VEPH1: variants seen among roughly 807,000 people sequenced by gnomAD.
The protein encoded by VEPH1 is ventricular zone-expressed PH domain-containing protein homolog 1.
In VEPH1, 80 loss-of-function variants were observed where a neutral mutation model predicts 85.2. That is an observed-to-expected ratio of 0.94 (90% CI 0.78 to 1.13). The LOEUF (loss-of-function observed/expected upper bound fraction) is 1.13, where lower values mean the gene tolerates loss of function less well. Among genes scored for constraint, VEPH1 ranks in the 50% most tolerant of loss-of-function variants. The pLI is 0.00. For synonymous variants in VEPH1, 297 were observed against 348.0 expected (o/e 0.85, Z 1.63); for missense variants, 955 against 980.5 (o/e 0.97, Z 0.35).
intron 2 of VEPH1, among the ~76,000 whole-genome samples, chr3:157,476,566 G>T (rs1390631889): frequency 6.6e-6 from 1 of 152,154 alleles, no homozygotes; most frequent in Non-Finnish European, 1.5e-5. Context: ...AATCAATGGA[G>T]CAGGCTTGCA....
intron 6 of VEPH1, among the ~76,000 whole-genome samples, chr3:157,388,307 T>C (rs1227802854): frequency 2.6e-5 from 4 of 152,204 alleles, no homozygotes; most frequent in African/African-American, 4.8e-5. Context: ...AGAGTCTCTT[T>C]CTTAATTGAA....
rs1051015183 is a variant in VEPH1 at position 157,470,466 on chromosome 3, C to T, written c.202G>A (p.Ala68Thr). 6.8e-6 allele frequency: 11 copies of T among 1,614,074 alleles called. No homozygotes were observed. The highest frequency in any genetic ancestry group is 9.3e-6 in the Non-Finnish European group (11 of 1,180,040). Residue 68 changes from alanine (A) to threonine (T), a missense_variant, in exon 3 of 14, where the codon GCC (alanine) becomes ACC (threonine). By Grantham distance (58) the Ala-to-Thr change is moderately conservative. Coordinates refer to ENST00000362010, the MANE Select transcript of VEPH1 (RefSeq NM_001167912.2). ...TCAATGGACTCGGTCTCTCTGATGG[C>T]TGTTGTGATTCTTGTGATACAGATT... ...VEICITRITT[A>T]IRETESIEKH...
chr3:157,404,545 G>T (rs1241698794), intron 6 of VEPH1, among the ~76,000 whole-genome samples: 1 of 152,130 alleles, frequency 6.6e-6, no homozygotes, highest in Non-Finnish European at 1.5e-5. Context: ...ACCAATAGGG[G>T]AACAGAAGAG....
At chr3:157,353,349 C>A (rs1236184628) in intron 9 of VEPH1, among the ~76,000 whole-genome samples, 7 of 152,058 alleles carry the variant, frequency 4.6e-5, no homozygotes, top group Admixed American at 4.6e-4. Flanking sequence ...CTTGGCTCAA[C>A]CTCCACCTCC....
chr3:157,323,856 G>A (rs141460845), intron 9 of VEPH1, among the ~76,000 whole-genome samples: 1 of 152,060 alleles, frequency 6.6e-6, no homozygotes, highest in African/African-American at 2.4e-5. Flanking sequence ...CATAAGAAAA[G>A]GTCTGTAAAG....
intron 6 of VEPH1, among the ~76,000 whole-genome samples, chr3:157,412,178 C>T (rs1346957700): frequency 1.3e-5 from 2 of 152,122 alleles, no homozygotes; most frequent in African/African-American, 4.8e-5. Flanking sequence ...CTGTTGCAGC[C>T]TTTGGAAGTG....
intron 5 of VEPH1, chr3:157,415,291 A>C (rs187063824): frequency 4.3e-4 from 66 of 152,328 alleles, no homozygotes; most frequent in African/African-American, 1.5e-3. Flanking sequence ...TGGGGATAGC[A>C]ATAAGTCTGA....
chr3:157,447,966 C>CGATGAT (rs549807691), intron 4 of VEPH1, among the ~76,000 whole-genome samples: 9 of 151,342 alleles, frequency 5.9e-5, no homozygotes, highest in East Asian at 1.9e-4. Context: ...ACAACCAGAA[C>CGATGAT]GATGATGATG....
intron 9 of VEPH1, among the ~76,000 whole-genome samples, chr3:157,322,568 C>T (rs1382131846): frequency 2.6e-5 from 4 of 152,062 alleles, no homozygotes; most frequent in Non-Finnish European, 5.9e-5. Context: ...CTCTGAAATT[C>T]TACAATTTAC....
At chr3:157,354,944 CA>C (rs1725264205) in intron 9 of VEPH1, among the ~76,000 whole-genome samples, 1 of 152,154 alleles carries the variant, frequency 6.6e-6, no homozygotes, top group African/African-American at 2.4e-5. Context: ...GGATAGAGCC[CA>C]GATCCCTGCC....
intron 3 of VEPH1, among the ~76,000 whole-genome samples, chr3:157,469,969 C>A (rs1313142538): frequency 1.3e-5 from 2 of 152,174 alleles, no homozygotes; most frequent in East Asian, 3.9e-4. Flanking sequence ...ACTGTGTTCT[C>A]CTTGGATGAA....
chr3:157,490,952 G>T (rs991869890), intron 2 of VEPH1, among the ~76,000 whole-genome samples: 1 of 152,100 alleles, frequency 6.6e-6, no homozygotes, highest in Non-Finnish European at 1.5e-5. Context: ...AAATAAATGA[G>T]TTGAAACTAC....
At chr3:157,369,183 A>AAAAAAAAAAACAAAAAAC (rs1426401669) in intron 7 of VEPH1, among the ~76,000 whole-genome samples, 52 of 134,590 alleles carry the variant, frequency 3.9e-4, no homozygotes, top group African/African-American at 1.5e-3. Context: ...ACCAAATGAA[A>AAAAAAAAAAACAAAAAAC]AAAAAAAAAA....
At chr3:157,458,798 G>C (rs908507148) in intron 4 of VEPH1, among the ~76,000 whole-genome samples, 4 of 152,148 alleles carry the variant, frequency 2.6e-5, no homozygotes, top group African/African-American at 9.7e-5. Flanking sequence ...GTTAATTTTT[G>C]TATATGGTGA....
intron 11 of VEPH1, among the ~76,000 whole-genome samples, chr3:157,301,218 C>T (rs1208149618): frequency 1.3e-5 from 2 of 152,100 alleles, no homozygotes; most frequent in African/African-American, 2.4e-5. Flanking sequence ...CTAACCTTGG[C>T]CAGTTGCTTG....
At chr3:157,486,739 T>C (rs1738692276) in intron 2 of VEPH1, among the ~76,000 whole-genome samples, 1 of 152,186 alleles carries the variant, frequency 6.6e-6, no homozygotes, top group South Asian at 2.1e-4. Context: ...AAGTGCTACA[T>C]AAGTATTAGC....
rs1735731647 is a variant in VEPH1 at position 157,460,226 on chromosome 3, G to C, written c.484C>G (p.Leu162Val). The change falls in exon 4 of 14, where the codon CTC becomes GTC. Residue 162 changes from leucine to valine, a missense_variant. Physicochemically the swap from Leu to Val is conservative, Grantham distance 32. Transcript: ENST00000362010. Reference sequence around the variant, plus strand: ...ATAACTTCCGTGTGATCAGCCAGGAGATCTGCCTTGGTAATTGCAGCCAGA... The same window carrying C: ...ATAACTTCCGTGTGATCAGCCAGGACATCTGCCTTGGTAATTGCAGCCAGA... ...LSLAAITKAD[L>V]LADHTEVIVK... is the part of the protein sequence containing the mutation. The C allele has an allele frequency of 6.2e-7, 1 of 1,614,050 alleles. No homozygotes were observed. The highest frequency in any genetic ancestry group is 1.3e-5 in the African/African-American group (1 of 74,922).
At chr3:157,292,185 C>T (rs559493831) in intron 11 of VEPH1, among the ~76,000 whole-genome samples, 108 of 152,282 alleles carry the variant, frequency 7.1e-4, no homozygotes, top group African/African-American at 2.5e-3. Flanking sequence ...TCCACCTCAG[C>T]CTCCCAGAGT....
At chr3:157,380,192 G>A (rs989392574) in intron 7 of VEPH1, among the ~76,000 whole-genome samples, 1 of 152,094 alleles carries the variant, frequency 6.6e-6, no homozygotes, top group African/African-American at 2.4e-5. Flanking sequence ...CACCTCAATC[G>A]TCAATAATTT....
Sources: gnomAD v4.1 joint callset for allele counts (sites outside exome capture counted in the v4.1 genomes callset) on GRCh38, gnomAD v4.1.1 for gene constraint, MANE v1.5 for transcripts, NCBI Gene and HGNC (gene_info 2026-07-23, HGNC 2026-07-21) for gene names.